Variants in KAT6A observed in about 807,000 individuals in gnomAD.
The protein encoded by KAT6A is lysine acetyltransferase 6A.
Under a neutral mutation model 198.4 loss-of-function variants are expected in KAT6A, and 9 were observed. The ratio of observed to expected loss-of-function variants is 0.05; its 90% CI spans 0.03 to 0.08. The LOEUF (loss-of-function observed/expected upper bound fraction) is 0.08. Ranked by LOEUF, KAT6A falls within the 10% of genes least tolerant of loss-of-function variation. The pLI is 1.00. For synonymous variants in KAT6A, 890 were observed against 883.0 expected (o/e 1.01, Z -0.14); for missense variants, 2,077 against 2,509.9 (o/e 0.83, Z 3.69).
At chr8:42,031,411 TGA>T (rs1467592642) in intron 2 of KAT6A, among the ~76,000 whole-genome samples, 6 of 152,110 alleles carry the variant, frequency 3.9e-5, no homozygotes, top group Non-Finnish European at 5.9e-5. Context: ...CTATAAATTT[TGA>T]GAGGATAAAG....
intron 9 of KAT6A, among the ~76,000 whole-genome samples, chr8:41,952,063 C>T (rs1395495070): frequency 6.6e-6 from 1 of 152,148 alleles, no homozygotes; most frequent in Non-Finnish European, 1.5e-5. Flanking sequence ...ATGCTTAGTC[C>T]AGTACCAAGC....
chr8:41,949,495 A>T, intron 9 of KAT6A, 132 bp from the exon 10 acceptor site: 1 of 491,912 alleles, frequency 2.0e-6, no homozygotes, highest in Non-Finnish European at 3.3e-6. Context: ...ATATGCAAAA[A>T]TACTGGACGG....
intron 8 of KAT6A, among the ~76,000 whole-genome samples, chr8:41,959,615 TA>T (rs1223316729): frequency 3.9e-5 from 6 of 152,336 alleles, no homozygotes; most frequent in East Asian, 3.9e-4. Flanking sequence ...GATGAATGGA[TA>T]AACCAAATGT....
intron 2 of KAT6A, among the ~76,000 whole-genome samples, chr8:42,002,030 A>C (rs185579155): frequency 1.1e-4 from 17 of 152,316 alleles, no homozygotes; most frequent in African/African-American, 3.6e-4. Flanking sequence ...ATTCTCTCCT[A>C]ATCTTTTGCT....
intron 2 of KAT6A, among the ~76,000 whole-genome samples, chr8:42,008,671 T>C (rs1171567913): frequency 6.6e-6 from 1 of 152,086 alleles, no homozygotes; most frequent in Non-Finnish European, 1.5e-5. Flanking sequence ...TTTAACACTG[T>C]TCTCAAGAAC....
At chr8:42,027,197 T>C (rs1219727920) in intron 2 of KAT6A, among the ~76,000 whole-genome samples, 1 of 152,206 alleles carries the variant, frequency 6.6e-6, no homozygotes, top group East Asian at 1.9e-4. Context: ...TTGTTGAGGA[T>C]TTTTGCATGT....
intron 2 of KAT6A, among the ~76,000 whole-genome samples, chr8:42,006,111 C>T (rs1222615606): frequency 6.6e-6 from 1 of 152,228 alleles, no homozygotes; most frequent in Admixed American, 6.5e-5. Context: ...ACCTAATATA[C>T]ACCCACCACT....
intron 2 of KAT6A, among the ~76,000 whole-genome samples, chr8:42,038,408 T>C (rs1303513610): frequency 6.6e-6 from 1 of 152,260 alleles, no homozygotes; most frequent in Admixed American, 6.5e-5. Flanking sequence ...CAGATTTATA[T>C]ATTTGTGGTT....
chr8:41,944,446 C>T (rs939661620), intron 12 of KAT6A, among the ~76,000 whole-genome samples: 5 of 152,184 alleles, frequency 3.3e-5, no homozygotes, highest in Admixed American at 1.3e-4. Flanking sequence ...AAACTCCTCA[C>T]AATTACCTAT....
intron 2 of KAT6A, among the ~76,000 whole-genome samples, chr8:42,006,572 G>A (rs1825759636): frequency 6.6e-6 from 1 of 152,142 alleles, no homozygotes; most frequent in African/African-American, 2.4e-5. Context: ...ATGCTCCAAT[G>A]AGCATTTCCT....
At chr8:41,965,951 T>C (rs542977365) in intron 8 of KAT6A, among the ~76,000 whole-genome samples, 1 of 152,306 alleles carries the variant, frequency 6.6e-6, no homozygotes, top group South Asian at 2.1e-4. Context: ...AAAGGCCGCA[T>C]AGATGTATTT....
At chr8:41,940,129 C>T (rs1822036756) in intron 15 of KAT6A, among the ~76,000 whole-genome samples, 1 of 152,248 alleles carries the variant, frequency 6.6e-6, no homozygotes, top group Non-Finnish European at 1.5e-5. Flanking sequence ...TTCCAGGGAG[C>T]AGCCTCGCTT....
intron 8 of KAT6A, among the ~76,000 whole-genome samples, chr8:41,968,955 AT>A (rs1823645161): frequency 1.3e-5 from 2 of 152,194 alleles, no homozygotes; most frequent in Non-Finnish European, 2.9e-5. Context: ...TTTGAAAAAA[AT>A]CTTGCTAAAT....
At chr8:41,943,122 G>A (rs1320103516) in intron 13 of KAT6A, 122 bp from the exon 14 acceptor site, 9 of 1,270,972 alleles carry the variant, frequency 7.1e-6, no homozygotes, top group Non-Finnish European at 8.6e-6. Flanking sequence ...TAGCCTGCCT[G>A]GGACGATGGA....
intron 2 of KAT6A, among the ~76,000 whole-genome samples, chr8:42,002,101 C>G (rs1245453175): frequency 6.6e-6 from 1 of 152,172 alleles, no homozygotes; most frequent in African/African-American, 2.4e-5. Context: ...TCTATATGCT[C>G]TACAGGTATT....
At chr8:42,012,609 T>C (rs1364967533) in intron 2 of KAT6A, among the ~76,000 whole-genome samples, 1 of 152,128 alleles carries the variant, frequency 6.6e-6, no homozygotes, top group Non-Finnish European at 1.5e-5. Flanking sequence ...CTGCCAACAC[T>C]TTGAGTTCAG....
intron 2 of KAT6A, among the ~76,000 whole-genome samples, chr8:42,009,358 G>C (rs1032540968): frequency 2.6e-5 from 4 of 151,100 alleles, no homozygotes; most frequent in African/African-American, 9.8e-5. Context: ...TGTTATCTTA[G>C]GAAACTTCAC....
intron 10 of KAT6A, among the ~76,000 whole-genome samples, 164 bp downstream of exon 10, chr8:41,949,055 AATC>A (rs1055433155): frequency 1.3e-5 from 2 of 152,250 alleles, no homozygotes; most frequent in African/African-American, 4.8e-5. Context: ...ATATATGCAA[AATC>A]AACTGGCATT....
At chr8:42,009,203 C>T (rs766740289) in intron 2 of KAT6A, among the ~76,000 whole-genome samples, 21 of 152,112 alleles carry the variant, frequency 1.4e-4, no homozygotes, top group Non-Finnish European at 2.8e-4. Context: ...TGTCTCTTTC[C>T]TTGACCATAA....
Sources: gnomAD v4.1 joint callset for allele counts (sites outside exome capture counted in the v4.1 genomes callset) on GRCh38, gnomAD v4.1.1 for gene constraint, MANE v1.5 for transcripts, NCBI Gene and HGNC (gene_info 2026-07-23, HGNC 2026-07-21) for gene names.